PRKN: variants seen among roughly 807,000 people sequenced by gnomAD.
The protein encoded by PRKN is parkin RBR E3 ubiquitin protein ligase.
In PRKN, 56 loss-of-function variants were observed where a neutral mutation model predicts 59.5. That is an observed-to-expected ratio of 0.94 (90% CI 0.76 to 1.18). PRKN has a LOEUF of 1.18. PRKN is among the 50% of genes most tolerant of loss of function. The pLI is 0.00. For synonymous variants in PRKN, 250 were observed against 222.1 expected (o/e 1.13, Z -1.12); for missense variants, 657 against 596.4 (o/e 1.10, Z -1.06).
chr6:161,368,668 C>A (rs1319402360), intron 10 of PRKN, among the ~76,000 whole-genome samples: 3 of 151,372 alleles, frequency 2.0e-5, no homozygotes, highest in Non-Finnish European at 2.9e-5. Context: ...CACCTGCCCT[C>A]CACTTGCCTG....
At chr6:162,661,336 A>G (rs569698521) in intron 1 of PRKN, among the ~76,000 whole-genome samples, 1 of 152,358 alleles carries the variant, frequency 6.6e-6, no homozygotes, top group South Asian at 2.1e-4. Context: ...TTAGGAACTT[A>G]AAGAACAAGT....
intron 1 of PRKN, among the ~76,000 whole-genome samples, chr6:162,665,523 G>A (rs1324492789): frequency 6.6e-6 from 1 of 151,990 alleles, no homozygotes; most frequent in African/African-American, 2.4e-5. Flanking sequence ...ACTGCTCAGA[G>A]AAATAAGATA....
chr6:161,645,997 GA>G lies in PRKN; in HGVS notation c.872-76582del, dbSNP rs1455074531. On this transcript the variant is annotated intron_variant, in intron 7 of 11. Coordinates refer to ENST00000366898, the MANE Select transcript of PRKN (RefSeq NM_004562.3). Reference sequence around the variant, plus strand: ...GGTCACTGCGTGTGCGTGCGTGGCGGAGGAGGTGGCGTATCAGTGACAGTGG... The same window carrying G: ...GGTCACTGCGTGTGCGTGCGTGGCGGGGAGGTGGCGTATCAGTGACAGTGG... 8.1e-5 allele frequency among the ~76,000 whole-genome samples: 10 copies of G among 123,546 alleles called. 1 individual carries two copies. The highest frequency in any genetic ancestry group is 5.3e-4 in the South Asian group (2 of 3,776). The allele number at this position is 123,546 out of a possible 152,430, so 81.1% of individuals were successfully genotyped here. A position where few individuals can be genotyped will look rare whatever the true frequency, so the allele number is the denominator to read the frequency against.
intron 9 of PRKN, among the ~76,000 whole-genome samples, chr6:161,536,908 T>A (rs1183872006): frequency 6.6e-6 from 1 of 152,236 alleles, no homozygotes; most frequent in Non-Finnish European, 1.5e-5. Flanking sequence ...AAACCTCTGT[T>A]ACATTAACAA....
intron 2 of PRKN, chr6:162,275,484 T>C (rs1028124917): frequency 2.6e-5 from 4 of 152,162 alleles, no homozygotes; most frequent in Non-Finnish European, 5.9e-5. Flanking sequence ...TTAAAAGCAT[T>C]ATTAAAAAAT....
At chr6:161,733,806 A>ACG (rs1787845980) in intron 7 of PRKN, among the ~76,000 whole-genome samples, 1 of 142,202 alleles carries the variant, frequency 7.0e-6, no homozygotes, top group African/African-American at 2.6e-5. Context: ...ATGTATATAT[A>ACG]TATATATATA....
Position 162,235,833 on chromosome 6 carries a change from G to A in PRKN, c.412+26692C>T, listed in dbSNP as rs1583241969. 2.0e-5 allele frequency among the ~76,000 whole-genome samples: 3 copies of A among 147,606 alleles called. No individual in the cohort carries two copies. In the South Asian group the frequency reaches 6.5e-4, roughly 32 times the overall value. On this transcript the variant is annotated intron_variant, in intron 3 of 11. Transcript: ENST00000366898. The stretch of plus-strand genomic sequence containing the variant: ...AAGAAAGAAAGAAAGAGAGAGAGAG[G>A]GAGGGAGGAAAGGAGGGAGGAAAGA...
At chr6:161,904,328 T>G (rs1292232753) in intron 6 of PRKN, among the ~76,000 whole-genome samples, 1 of 142,954 alleles carries the variant, frequency 7.0e-6, no homozygotes, top group Non-Finnish European at 1.5e-5. Flanking sequence ...TTTTTTTTTT[T>G]TTTTTGAGAC....
chr6:161,897,132 T>C (rs929241316), intron 6 of PRKN, among the ~76,000 whole-genome samples: 2 of 152,234 alleles, frequency 1.3e-5, no homozygotes, highest in African/African-American at 4.8e-5. Context: ...AAACAGCCGA[T>C]AGCTGAGCCA....
chr6:161,951,075 T>G (rs1184345958), intron 6 of PRKN, among the ~76,000 whole-genome samples: 1 of 151,136 alleles, frequency 6.6e-6, no homozygotes, highest in Non-Finnish European at 1.5e-5. Context: ...CTAAAAAAAG[T>G]TTTGGGGCAA....
intron 3 of PRKN, among the ~76,000 whole-genome samples, chr6:162,205,417 TTAG>T (rs1196582011): frequency 6.6e-6 from 1 of 152,130 alleles, no homozygotes; most frequent in Non-Finnish European, 1.5e-5. Flanking sequence ...GACAGGATAC[TTAG>T]GAAGAGTCGT....
chr6:162,661,681 A>T (rs1778887300), intron 1 of PRKN, among the ~76,000 whole-genome samples: 1 of 152,168 alleles, frequency 6.6e-6, no homozygotes, highest in Non-Finnish European at 1.5e-5. Context: ...GTTAAATATG[A>T]CAGGGTTATG....
At chr6:161,520,242 T>TTTTTTA (rs1778769677) in intron 9 of PRKN, among the ~76,000 whole-genome samples, 1 of 151,244 alleles carries the variant, frequency 6.6e-6, no homozygotes, top group Non-Finnish European at 1.5e-5. Context: ...TTTTTTTTTT[T>TTTTTTA]GAGAAAGAGT....
intron 4 of PRKN, among the ~76,000 whole-genome samples, chr6:162,116,203 A>G (rs1780665578): frequency 1.3e-5 from 2 of 152,180 alleles, no homozygotes; most frequent in African/African-American, 4.8e-5. Flanking sequence ...TTTAAAATCC[A>G]TTGCAAGGGG....
In PRKN at chr6:161,544,306, T is replaced by C. The variant is rs1779719013; in HGVS notation, c.1083+4548A>G. ...CATAGTGTTATTTTGGTTTTCTGAA[T>C]TATATACTATGTGTGCTATTAAAAC... On this transcript the variant is annotated intron_variant, in intron 9 of 11. Transcript: ENST00000366898. This position sits in a 1 kb window ranked among gnomAD's most constrained non-coding sequence, Gnocchi z 5.5. 6.6e-6 allele frequency among the ~76,000 whole-genome samples: 1 copy of C among 152,230 alleles called. No homozygotes were observed.
intron 3 of PRKN, among the ~76,000 whole-genome samples, chr6:162,219,874 T>C (rs1421725672): frequency 6.6e-6 from 1 of 152,164 alleles, no homozygotes; most frequent in African/African-American, 2.4e-5. Flanking sequence ...GTTGCTCCCT[T>C]GTATACATAA....
At chr6:162,505,393 ATGT>A (rs1212558641) in intron 1 of PRKN, among the ~76,000 whole-genome samples, 2 of 152,142 alleles carry the variant, frequency 1.3e-5, no homozygotes, top group Non-Finnish European at 2.9e-5. Flanking sequence ...TTTTCTCAAA[ATGT>A]TGTTCAGGAA....
At position 161,803,866 on chromosome 6, in the gene PRKN, C is replaced by T. The variant is rs550005142; in HGVS notation, c.735-17958G>A. 3.5e-4 allele frequency among the ~76,000 whole-genome samples: 53 copies of T among 152,278 alleles called. 1 individual carries two copies. The South Asian group carries it at 8.7e-3, about 25-fold the overall frequency. ...CATAAAGGAAGCAAAGACCTCAAGT[C>T]CGAACCCCCACCAAAGTGAGAAGCA... On this transcript the variant is annotated intron_variant, in intron 6 of 11. Coordinates refer to ENST00000366898, the MANE Select transcript of PRKN (RefSeq NM_004562.3).
chr6:161,604,432 G>T (rs1324670016), intron 7 of PRKN, among the ~76,000 whole-genome samples: 1 of 152,278 alleles, frequency 6.6e-6, no homozygotes, highest in Non-Finnish European at 1.5e-5. Flanking sequence ...ATGGATGGGG[G>T]TGCAGAAGAC....
Sources: gnomAD v4.1 joint callset for allele counts (sites outside exome capture counted in the v4.1 genomes callset) on GRCh38, gnomAD v4.1.1 for gene constraint, Gnocchi (gnomAD v3.1) non-coding constraint, MANE v1.5 for transcripts, NCBI Gene and HGNC (gene_info 2026-07-23, HGNC 2026-07-21) for gene names.